The following CDK19 variants were observed in gnomAD, a reference collection of about 807,000 sequenced individuals.
CDK19 encodes cyclin-dependent kinase 19.
CDK19 carries 20 observed loss-of-function variants against 68.3 expected under a neutral mutation model. The ratio of observed to expected loss-of-function variants is 0.29; its 90% CI spans 0.21 to 0.43. The LOEUF (loss-of-function observed/expected upper bound fraction) is 0.43. Ranked by LOEUF, CDK19 falls within the 20% of genes least tolerant of loss-of-function variation. CDK19 has a pLI of 1.00. For missense variants in CDK19, 339 were observed against 623.5 expected (o/e 0.54, Z 4.86); for synonymous variants, 221 against 222.8 (o/e 0.99, Z 0.07).
chr6:110,795,462 A>C (rs537786936), intron 1 of CDK19, among the ~76,000 whole-genome samples: 1 of 152,234 alleles, frequency 6.6e-6, no homozygotes, highest in South Asian at 2.1e-4. Context: ...AGCTCTAATT[A>C]CTATCATGCT....
chr6:110,759,425 AAAAATATATAT>A (rs1171125630), intron 1 of CDK19, among the ~76,000 whole-genome samples: 31 of 110,396 alleles, frequency 2.8e-4, no homozygotes, highest in African/African-American at 1.1e-3. Flanking sequence ...AAAAAAAAAA[AAAAATATATAT>A]ATATATATAT....
chr6:110,745,996 CATAAA>C (rs1211326196), intron 2 of CDK19, 125 bp downstream of exon 2: 2 of 463,694 alleles, frequency 4.3e-6, no homozygotes, highest in Non-Finnish European at 7.4e-6. Context: ...TCTCACTCTA[CATAAA>C]ATATTCTTAA....
chr6:110,700,979 GA>G (rs1438659742), intron 2 of CDK19: 1 of 152,144 alleles, frequency 6.6e-6, no homozygotes, highest in African/African-American at 2.4e-5. Flanking sequence ...GGCCAAGGCG[GA>G]TGGATCACAA....
rs185407602 is a variant in CDK19, at chr6:110,794,428, C to A, written c.128+20581G>T. On this transcript the variant is annotated intron_variant, in intron 1 of 12. Transcript: ENST00000368911. ...AAACTTTTTTTTTTTTTTTGAGACG[C>A]GTCTCACTCTGTCACCAGGCTGGAG... Among the ~76,000 whole-genome samples, 4 of 136,548 alleles carry A rather than the reference C, an allele frequency of 2.9e-5. No homozygotes were observed. The East Asian group carries it at 6.6e-4, about 22-fold the overall frequency. 89.6% of individuals were successfully genotyped at this position (136,548 alleles called of 152,430 possible).
At chr6:110,812,663 T>C (rs1783193702) in intron 1 of CDK19, among the ~76,000 whole-genome samples, 1 of 152,184 alleles carries the variant, frequency 6.6e-6, no homozygotes, top group Admixed American at 6.5e-5. Flanking sequence ...TTATCTTTAA[T>C]GTAACCTATG....
chr6:110,702,709 T>C (rs1390266440), intron 2 of CDK19, among the ~76,000 whole-genome samples: 1 of 152,180 alleles, frequency 6.6e-6, no homozygotes, highest in East Asian at 1.9e-4. Flanking sequence ...GAAAGATCAC[T>C]AAGACATAAT....
At chr6:110,640,231 C>CAAAAA (rs59703376) in intron 4 of CDK19, among the ~76,000 whole-genome samples, 2 of 80,708 alleles carry the variant, frequency 2.5e-5, no homozygotes, top group Non-Finnish European at 2.3e-5. Context: ...GACCCTGTCA[C>CAAAAA]AAAAAAAAAA....
intron 2 of CDK19, among the ~76,000 whole-genome samples, chr6:110,680,138 A>G (rs993430616): frequency 1.3e-5 from 2 of 152,250 alleles, no homozygotes; most frequent in Non-Finnish European, 2.9e-5. Flanking sequence ...CACAAGCTCC[A>G]TTTACTTTAG....
At chr6:110,625,387 C>T (rs1779024939) in intron 8 of CDK19, among the ~76,000 whole-genome samples, 1 of 151,978 alleles carries the variant, frequency 6.6e-6, no homozygotes, top group East Asian at 1.9e-4. Flanking sequence ...TCTCAAACTC[C>T]TGGGCTCAAG....
intron 2 of CDK19, among the ~76,000 whole-genome samples, chr6:110,740,990 C>T (rs1777619258): frequency 1.3e-5 from 2 of 151,968 alleles, no homozygotes; most frequent in Non-Finnish European, 2.9e-5. Flanking sequence ...AATCAGAAAA[C>T]TTAAAGACAG....
At chr6:110,715,831 A>G (rs1775344437) in intron 2 of CDK19, among the ~76,000 whole-genome samples, 1 of 152,234 alleles carries the variant, frequency 6.6e-6, no homozygotes, top group Admixed American at 6.5e-5. Context: ...AAGTCTCTGA[A>G]TCCTAAAACA....
chr6:110,796,879 A>G (rs1781972688), intron 1 of CDK19, among the ~76,000 whole-genome samples: 1 of 151,408 alleles, frequency 6.6e-6, no homozygotes, highest in Non-Finnish European at 1.5e-5. Context: ...GCGTGGTGGC[A>G]CACACCTGTA....
intron 2 of CDK19, among the ~76,000 whole-genome samples, chr6:110,675,983 T>C (rs541880229): frequency 8.5e-5 from 13 of 152,348 alleles, no homozygotes; most frequent in African/African-American, 3.1e-4. Context: ...TGCCATAGAT[T>C]GTGATTTCTC....
chr6:110,797,295 G>A (rs965172846), intron 1 of CDK19, among the ~76,000 whole-genome samples: 39 of 151,902 alleles, frequency 2.6e-4, no homozygotes, highest in African/African-American at 8.2e-4. Context: ...AACCGAGATC[G>A]CGCCACTGCA....
intron 12 of CDK19, among the ~76,000 whole-genome samples, chr6:110,615,387 A>T (rs1245197904): frequency 6.6e-6 from 1 of 152,228 alleles, no homozygotes; most frequent in Non-Finnish European, 1.5e-5. Flanking sequence ...TAAAAGGAAA[A>T]ATCATCTATA....
At chr6:110,632,907 T>G (rs1477913297) in intron 5 of CDK19, among the ~76,000 whole-genome samples, 2 of 152,116 alleles carry the variant, frequency 1.3e-5, no homozygotes, top group African/African-American at 4.8e-5. Flanking sequence ...AATAATGACT[T>G]CTGTATGCTT....
chr6:110,699,800 T>C (rs1009961767), intron 2 of CDK19, among the ~76,000 whole-genome samples: 1 of 151,992 alleles, frequency 6.6e-6, no homozygotes, highest in Non-Finnish European at 1.5e-5. Flanking sequence ...GTACAGAAAA[T>C]ACATCCTGAA....
At chr6:110,727,987 C>CAAA (rs34006206) in intron 2 of CDK19, among the ~76,000 whole-genome samples, 6 of 142,256 alleles carry the variant, frequency 4.2e-5, no homozygotes, top group Non-Finnish European at 6.1e-5. Context: ...GACCCTGTCT[C>CAAA]AAAAAAAAAA....
chr6:110,646,488 T>C, intron 4 of CDK19: 1 of 1,453,922 alleles, frequency 6.9e-7, no homozygotes, highest in Non-Finnish European at 9.1e-7. Flanking sequence ...CCCAGCTCGT[T>C]CTGTGCCAGC....
Sources: allele counts gnomAD v4.1 joint callset (sites outside exome capture counted in the v4.1 genomes callset), GRCh38; gene constraint gnomAD v4.1.1; transcripts MANE v1.5; gene names NCBI Gene and HGNC (gene_info 2026-07-23, HGNC 2026-07-21).